MKLN1: variants seen among roughly 807,000 people sequenced by gnomAD.
MKLN1 encodes muskelin 1, also known as muskelin.
MKLN1 carries 18 observed loss-of-function variants against 99.0 expected under a neutral mutation model. That is an observed-to-expected ratio of 0.18 (90% CI 0.13 to 0.27). The LOEUF (loss-of-function observed/expected upper bound fraction) is 0.27. Ranked by LOEUF, MKLN1 falls within the 10% of genes least tolerant of loss-of-function variation. MKLN1 has a pLI of 1.00. For missense variants in MKLN1, 621 were observed against 875.9 expected (o/e 0.71, Z 3.67); for synonymous variants, 288 against 293.2 (o/e 0.98, Z 0.18).
chr7:131,280,763 C>G (rs573140992), intron 3 of MKLN1, among the ~76,000 whole-genome samples: 2 of 152,100 alleles, frequency 1.3e-5, no homozygotes, highest in South Asian at 4.1e-4. Context: ...ATTCTTGTGC[C>G]TCAGCCTCCA....
At chr7:131,470,606 C>T (rs1796791761) in intron 15 of MKLN1, among the ~76,000 whole-genome samples, 1 of 152,220 alleles carries the variant, frequency 6.6e-6, no homozygotes, top group South Asian at 2.1e-4. Flanking sequence ...CCTACCCAGT[C>T]TCTAGCACCA....
rs1799536793 is a variant in MKLN1, at chr7:131,345,615, G to A, written c.98+17618G>A. Among the ~76,000 whole-genome samples, 5 of 152,280 alleles carry A rather than the reference G, an allele frequency of 3.3e-5. 1 individual carries two copies. In the South Asian group the frequency reaches 1.0e-3, roughly 32 times the overall value. ...TGTAGTTCTAGCTACTTGAGAGGCTGAGGCTTGAGGATCACTTGAGCCCAG... is the reference window on the plus strand; with the variant it reads ...TGTAGTTCTAGCTACTTGAGAGGCTAAGGCTTGAGGATCACTTGAGCCCAG... On this transcript the variant is annotated intron_variant, in intron 1 of 17. Transcript: ENST00000352689.
At chr7:131,245,525 C>T (rs533983962) in intron 3 of MKLN1, among the ~76,000 whole-genome samples, 13 of 152,328 alleles carry the variant, frequency 8.5e-5, no homozygotes, top group East Asian at 3.9e-4. Flanking sequence ...CCCCCGCCCC[C>T]GGCCTCGGCC....
At chr7:131,464,493 G>A in intron 14 of MKLN1, 85 bp downstream of exon 14, 2 of 739,524 alleles carry the variant, frequency 2.7e-6, no homozygotes, top group South Asian at 2.3e-5. Context: ...GTTTTAAATT[G>A]GATTTGAGTA....
At chr7:131,409,240 G>C (rs1794798693) in intron 6 of MKLN1, among the ~76,000 whole-genome samples, 1 of 152,090 alleles carries the variant, frequency 6.6e-6, no homozygotes, top group African/African-American at 2.4e-5. Flanking sequence ...TATATCTAAA[G>C]CAAGCCTACC....
intron 1 of MKLN1, among the ~76,000 whole-genome samples, chr7:131,125,157 C>G (rs1795434077): frequency 6.6e-6 from 1 of 152,194 alleles, no homozygotes; most frequent in African/African-American, 2.4e-5. Flanking sequence ...ATTATTGGCA[C>G]AGGGACACGA....
At chr7:131,433,691 A>G (rs1795592040) in intron 9 of MKLN1, among the ~76,000 whole-genome samples, 1 of 152,092 alleles carries the variant, frequency 6.6e-6, no homozygotes, top group African/African-American at 2.4e-5. Context: ...GTTCTGTTCT[A>G]TTATATTTTG....
chr7:131,120,102 C>T (rs910657544), intron 1 of MKLN1, among the ~76,000 whole-genome samples: 4 of 129,718 alleles, frequency 3.1e-5, no homozygotes, highest in Non-Finnish European at 4.6e-5. Flanking sequence ...ACCTGGGAGG[C>T]GGAGCTTGCA....
intron 1 of MKLN1, among the ~76,000 whole-genome samples, chr7:131,361,829 T>C (rs1800039478): frequency 6.6e-6 from 1 of 151,894 alleles, no homozygotes; most frequent in Non-Finnish European, 1.5e-5. Flanking sequence ...CTTTTCTACA[T>C]TGTTGCACCA....
At chr7:131,339,343 GA>G (rs752900256) in intron 1 of MKLN1, among the ~76,000 whole-genome samples, 3 of 152,170 alleles carry the variant, frequency 2.0e-5, no homozygotes, top group Non-Finnish European at 4.4e-5. Flanking sequence ...GTTAAAATGA[GA>G]TTTTATTTTT....
At position 131,487,724 on chromosome 7, in the gene MKLN1, T is replaced by C. The variant is rs1050971755; in HGVS notation, c.2204T>C (p.Leu735Pro). Residue 735 changes from leucine (L) to proline (P), a missense_variant, in exon 18 of 18, where the codon CTG (leucine) becomes CCG (proline). Around this residue, in one of 8 missense-constraint regions of MKLN1, gnomAD observed 126 missense variants for 157.4 expected, o/e 0.80. Coordinates refer to ENST00000352689, the MANE Select transcript of MKLN1 (RefSeq NM_013255.5). The surrounding 1 kb of genome is among the most constrained non-coding windows in gnomAD (Gnocchi z 4.7). The part of the protein sequence containing the change: ...PKGNLVDLIT[L>P] ...GGCAACCTGGTAGACCTCATCACAC[T>C]GTAACTGAAGAGTCACTGGACACAG... The C allele has an allele frequency of 7.4e-6, 12 of 1,611,114 alleles. No homozygotes were observed. The African/African-American group carries it at 1.2e-4, about 16-fold the overall frequency.
rs529660310 is a variant in MKLN1, at chr7:131,304,585, G to A, written c.-178-70839G>A. 2.3e-4 allele frequency among the ~76,000 whole-genome samples: 35 copies of A among 152,236 alleles called. 1 individual carries two copies. The South Asian group carries it at 6.6e-3, about 29-fold the overall frequency. ...CAGCAGAGCTTGCCTATGGGATAGC[G>A]CATTGAATTCTGTGTTGTGCTTCAA... On this transcript the variant is annotated intron_variant, in intron 3 of 7. Coordinates refer to the MKLN1 transcript ENST00000416992.
At chr7:131,295,728 A>G (rs1798281114) in intron 3 of MKLN1, among the ~76,000 whole-genome samples, 1 of 152,012 alleles carries the variant, frequency 6.6e-6, no homozygotes, top group Non-Finnish European at 1.5e-5. Context: ...TACTAAAAAT[A>G]AAATAAATTA....
intron 2 of MKLN1, among the ~76,000 whole-genome samples, chr7:131,384,108 G>C (rs1793935089): frequency 6.6e-6 from 1 of 151,706 alleles, no homozygotes; most frequent in South Asian, 2.1e-4. Flanking sequence ...CTATTAGGCT[G>C]CAACCACACT....
Position 131,478,595 on chromosome 7 carries a change from CTTTTTTTTTTTT to C in MKLN1, c.2032-18_2032-7del. 6 of 1,237,448 alleles carry C rather than the reference CTTTTTTTTTTTT, an allele frequency of 4.8e-6. No individual in the cohort carries two copies. The highest frequency in any genetic ancestry group is 3.5e-5 in the Admixed American group (1 of 28,370). The allele number at this position is 1,237,448 out of a possible 1,614,324, so 76.7% of individuals were successfully genotyped here. On this transcript the variant is annotated splice_polypyrimidine_tract_variant and intron_variant, in intron 16 of 17. Coordinates refer to ENST00000352689, the MANE Select transcript of MKLN1 (RefSeq NM_013255.5). The stretch of plus-strand genomic sequence containing the variant: ...CACTTAGCCAGCTAATTTGCTGCTT[CTTTTTTTTTTTT>C]TTTTTTTTTAAACAGTTTCAGCTCC...
intron 8 of MKLN1, among the ~76,000 whole-genome samples, chr7:131,425,725 C>T (rs1368739204): frequency 6.6e-6 from 1 of 152,126 alleles, no homozygotes; most frequent in Non-Finnish European, 1.5e-5. Context: ...CCCAGATGTA[C>T]ATGAATTATT....
At chr7:131,390,295 G>A (rs968831689) in intron 4 of MKLN1, among the ~76,000 whole-genome samples, 3 of 152,086 alleles carry the variant, frequency 2.0e-5, no homozygotes, top group Non-Finnish European at 4.4e-5. Context: ...TTATGAGCAA[G>A]CAAATTTTAA....
At chr7:131,444,723 GTAGTAGT>G (rs1563351765) in intron 11 of MKLN1, among the ~76,000 whole-genome samples, 6 of 20,866 alleles carry the variant, frequency 2.9e-4, no homozygotes, top group Non-Finnish European at 5.8e-4. Context: ...GTTTTGAGTA[GTAGTAGT>G]AGTAGTAGTA....
intron 12 of MKLN1, among the ~76,000 whole-genome samples, chr7:131,453,843 A>T (rs1041502935): frequency 2.6e-5 from 4 of 152,176 alleles, no homozygotes; most frequent in Non-Finnish European, 2.9e-5. Flanking sequence ...TTATAAACCA[A>T]TAAAAGTGGA....
Sources: allele counts gnomAD v4.1 joint callset (sites outside exome capture counted in the v4.1 genomes callset), GRCh38; gene constraint gnomAD v4.1.1; regional missense constraint gnomAD v4.1.1; non-coding constraint Gnocchi (gnomAD v3.1); transcripts MANE v1.5; gene names NCBI Gene and HGNC (gene_info 2026-07-23, HGNC 2026-07-21).